SLC2A7: variants seen among roughly 807,000 people sequenced by gnomAD.
SLC2A7 encodes solute carrier family 2, facilitated glucose transporter member 7.
Under a neutral mutation model 50.5 loss-of-function variants are expected in SLC2A7, and 50 were observed. The ratio of observed to expected loss-of-function variants is 0.99; its 90% CI spans 0.79 to 1.25. The LOEUF (loss-of-function observed/expected upper bound fraction) is 1.25. Among genes scored for constraint, SLC2A7 ranks in the 50% most tolerant of loss-of-function variants. The pLI is 0.00. For synonymous variants in SLC2A7, 308 were observed against 300.4 expected (o/e 1.03, Z -0.26); for missense variants, 683 against 679.1 (o/e 1.01, Z -0.06).
rs375693084 is a variant in SLC2A7, at chr1:9,013,985, G to A, written c.904-350C>T. ...AATGACTTCTTACCTCTCACTCTGG[G>A]CCAAGCCAACCGCAAGTTGAGTCTG... On this transcript the variant is annotated intron_variant, in intron 7 of 11. Transcript: ENST00000400906. Among the ~76,000 whole-genome samples the A allele has an allele frequency of 3.9e-5, 6 of 152,156 alleles. No individual in the cohort carries two copies. The East Asian group carries it at 1.2e-3, about 29-fold the overall frequency.
the SLC2A7 span, among the ~76,000 whole-genome samples, chr1:8,994,508 A>C: frequency 6.6e-6 from 1 of 152,064 alleles, no homozygotes; most frequent in African/African-American, 2.4e-5. Flanking sequence ...TGGTCACCTG[A>C]CCCCGGAATG....
At chr1:9,005,269 C>G (rs1470592315) in intron 10 of SLC2A7, among the ~76,000 whole-genome samples, 1 of 152,188 alleles carries the variant, frequency 6.6e-6, no homozygotes, top group Non-Finnish European at 1.5e-5. Context: ...TGACTTGAGA[C>G]CGCCCGCGCT....
In SLC2A7 at chr1:9,015,104, G is replaced by T. The variant is rs748792647; in HGVS notation, c.715+13C>A. The T allele has an allele frequency of 1.2e-6, 2 of 1,612,540 alleles. No homozygotes were observed. The highest frequency in any genetic ancestry group is 3.3e-5 in the Admixed American group (2 of 59,852). On this transcript the variant is annotated intron_variant, in intron 6 of 11. Coordinates refer to ENST00000400906, the MANE Select transcript of SLC2A7 (RefSeq NM_207420.3). ...GTGGGCAGGGCCTGGGAGAGTAGCC[G>T]GCGACTTCATACCTTGTCGCGCTGT...
intron 1 of SLC2A7, among the ~76,000 whole-genome samples, chr1:9,025,921 CCCACAGCCCGTAG>C (rs1249968233): frequency 1.3e-5 from 2 of 152,180 alleles, no homozygotes; most frequent in Non-Finnish European, 2.9e-5. Flanking sequence ...TGCCTGGCTG[CCCACAGCCCGTAG>C]CTCTGCACAT....
chr1:9,005,855 T>G (rs1213919041), intron 10 of SLC2A7, among the ~76,000 whole-genome samples: 7 of 150,816 alleles, frequency 4.6e-5, no homozygotes, highest in African/African-American at 1.7e-4. Flanking sequence ...TGGAGAAGAA[T>G]TCAAAGCCCC....
At chr1:9,010,472 C>A (rs1640731112) in intron 8 of SLC2A7, among the ~76,000 whole-genome samples, 1 of 152,222 alleles carries the variant, frequency 6.6e-6, no homozygotes, top group African/African-American at 2.4e-5. Flanking sequence ...GATTCTCCTA[C>A]CTCAGCTCCC....
intron 5 of SLC2A7, among the ~76,000 whole-genome samples, chr1:9,016,953 G>C (rs1640839470): frequency 6.6e-6 from 1 of 151,978 alleles, no homozygotes; most frequent in South Asian, 2.1e-4. Flanking sequence ...CCCTGTCTCA[G>C]TCCCACTCCC....
At chr1:9,007,657 T>A (rs188444242) in intron 9 of SLC2A7, among the ~76,000 whole-genome samples, 3 of 152,284 alleles carry the variant, frequency 2.0e-5, no homozygotes, top group South Asian at 4.1e-4. Context: ...CAGGTGCCAT[T>A]CTCTGCACTT....
chr1:9,007,208 G>A, intron 10 of SLC2A7, 102 bp downstream of exon 10: 1 of 1,323,056 alleles, frequency 7.6e-7, no homozygotes, highest in Non-Finnish European at 1.1e-6. Context: ...CGGGGACCAA[G>A]GACGTCCATT....
intron 5 of SLC2A7, 118 bp downstream of exon 5, chr1:9,018,105 G>A: frequency 7.1e-7 from 1 of 1,400,632 alleles, no homozygotes; most frequent in Non-Finnish European, 9.7e-7. Context: ...CCACCACACT[G>A]CCCAACACCT....
intron 8 of SLC2A7, among the ~76,000 whole-genome samples, chr1:9,011,419 C>T (rs1044045691): frequency 6.6e-6 from 1 of 152,016 alleles, no homozygotes; most frequent in Non-Finnish European, 1.5e-5. Flanking sequence ...TTTGGGAGGC[C>T]GAGACAGGAG....
downstream of SLC2A7, among the ~76,000 whole-genome samples, chr1:9,001,838 A>C (rs1004861650): frequency 6.6e-6 from 1 of 152,150 alleles, no homozygotes; most frequent in Non-Finnish European, 1.5e-5. Flanking sequence ...GAAGAATGAG[A>C]GATCAGACTG....
chr1:9,024,666 A>G (rs1640967705), intron 2 of SLC2A7, among the ~76,000 whole-genome samples: 1 of 152,142 alleles, frequency 6.6e-6, no homozygotes, highest in African/African-American at 2.4e-5. Flanking sequence ...TCCAATCAAC[A>G]AGGGGCCTAC....
At chr1:9,010,342 C>T (rs1368840286) in intron 8 of SLC2A7, 98 bp from the exon 9 acceptor site, 12 of 883,894 alleles carry the variant, frequency 1.4e-5, no homozygotes, top group Non-Finnish European at 1.9e-5. Context: ...TCTTAGGTGC[C>T]CCTTTCTTTC....
the SLC2A7 span, among the ~76,000 whole-genome samples, chr1:8,994,922 C>G: frequency 2.0e-5 from 3 of 151,960 alleles, no homozygotes; most frequent in East Asian, 5.9e-4. Flanking sequence ...AGGGGCTCAA[C>G]ACCACGCCCA....
At chr1:9,009,630 G>C (rs780142121) in intron 9 of SLC2A7, among the ~76,000 whole-genome samples, 21 of 152,092 alleles carry the variant, frequency 1.4e-4, no homozygotes, top group South Asian at 8.3e-4. Flanking sequence ...AAAACGTTTT[G>C]TATTTTTTGT....
rs150442621 is a variant in SLC2A7, at chr1:9,019,180, G to C, written c.436+29C>G. 1.6e-5 allele frequency: 25 copies of C among 1,609,706 alleles called. No homozygotes were observed. In the African/African-American group the frequency reaches 2.9e-4, roughly 19 times the overall value. On this transcript the variant is annotated intron_variant, in intron 4 of 11. Transcript: ENST00000400906. ...TTGGCCAAACAGACCCTTCCCCCAA[G>C]GCTGAGCCGGAGCCTGGGCCCCAGG...
In SLC2A7 at chr1:9,018,398, C is replaced by T. The variant is rs747128863; in HGVS notation, c.437-23G>A. The T allele has an allele frequency of 2.5e-6, 4 of 1,613,100 alleles. No homozygotes were observed. The South Asian group carries it at 4.4e-5, about 18-fold the overall frequency. On this transcript the variant is annotated intron_variant, in intron 4 of 11. Transcript: ENST00000400906. ...TGCCTGGTTTGGGCACAGCAGAAAT[C>T]AGGGCAGGCAAACCGCAAACGCAGA...
chr1:9,018,498 G>A, intron 4 of SLC2A7, 123 bp from the exon 5 acceptor site: 1 of 1,375,552 alleles, frequency 7.3e-7, no homozygotes, highest in Non-Finnish European at 9.9e-7. Context: ...TGGAGATGGA[G>A]CTCGGCCAAC....
Sources: gnomAD v4.1 joint callset for allele counts (sites outside exome capture counted in the v4.1 genomes callset) on GRCh38, gnomAD v4.1.1 for gene constraint, MANE v1.5 for transcripts, NCBI Gene and HGNC (gene_info 2026-07-23, HGNC 2026-07-21) for gene names.